Variants in CACNB2 observed in about 807,000 individuals in gnomAD.
CACNB2 encodes voltage-dependent L-type calcium channel subunit beta-2.
A neutral mutation model predicts 73.3 loss-of-function variants in CACNB2; 42 were observed. That is an observed-to-expected ratio of 0.57 (90% CI 0.45 to 0.74). The LOEUF (loss-of-function observed/expected upper bound fraction) is 0.74. CACNB2 is among the 30% of genes least tolerant of loss of function. The pLI is 0.00. For synonymous variants in CACNB2, 348 were observed against 310.3 expected (o/e 1.12, Z -1.28); for missense variants, 940 against 853.0 (o/e 1.10, Z -1.27).
chr10:18,267,342 G>A (rs924763885), intron 2 of CACNB2, among the ~76,000 whole-genome samples: 5 of 151,958 alleles, frequency 3.3e-5, no homozygotes, highest in African/African-American at 9.7e-5. Flanking sequence ...GTGGTGGCTC[G>A]CTCCTGTAAT....
At chr10:18,270,438 C>T (rs1356653578) in intron 2 of CACNB2, among the ~76,000 whole-genome samples, 2 of 152,156 alleles carry the variant, frequency 1.3e-5, no homozygotes, top group Non-Finnish European at 2.9e-5. Context: ...CCATTCTCCA[C>T]ATTGGAACTG....
At chr10:18,344,745 C>G (rs1171821226) in intron 2 of CACNB2, among the ~76,000 whole-genome samples, 1 of 152,046 alleles carries the variant, frequency 6.6e-6, no homozygotes, top group African/African-American at 2.4e-5. Flanking sequence ...CTGAACGACA[C>G]CAGCCTGGGC....
chr10:18,510,858 G>A (rs16917402), intron 6 of CACNB2, among the ~76,000 whole-genome samples: 5,887 of 152,242 alleles, frequency 0.039, 382 homozygotes, highest in African/African-American at 0.13. Context: ...CTTGATTTTG[G>A]TTAACATGTA....
At chr10:18,350,277 A>G (rs1239535223) in intron 2 of CACNB2, among the ~76,000 whole-genome samples, 2 of 152,056 alleles carry the variant, frequency 1.3e-5, no homozygotes, top group African/African-American at 2.4e-5. Flanking sequence ...TAAAAATAAT[A>G]ATAATAATTC....
chr10:18,328,473 ATAGT>A (rs1378155895), intron 2 of CACNB2, among the ~76,000 whole-genome samples: 2 of 152,182 alleles, frequency 1.3e-5, no homozygotes, highest in East Asian at 3.9e-4. Flanking sequence ...CATTATATTC[ATAGT>A]TAGAATAATT....
At chr10:18,419,797 G>A (rs370004324) in intron 3 of CACNB2, among the ~76,000 whole-genome samples, 1 of 152,176 alleles carries the variant, frequency 6.6e-6, no homozygotes. Context: ...GGTTATTAAG[G>A]TTAAGAATAG....
intron 2 of CACNB2, among the ~76,000 whole-genome samples, chr10:18,264,046 T>A (rs2037676704): frequency 6.6e-6 from 1 of 152,236 alleles, no homozygotes; most frequent in South Asian, 2.1e-4. Flanking sequence ...GAATAAATAC[T>A]CTTAAATTTA....
At chr10:18,193,243 T>C (rs2034482648) in intron 2 of CACNB2, among the ~76,000 whole-genome samples, 1 of 145,352 alleles carries the variant, frequency 6.9e-6, no homozygotes, top group African/African-American at 2.6e-5. Flanking sequence ...AATAATCCTG[T>C]GTGTAACTTT....
intron 2 of CACNB2, among the ~76,000 whole-genome samples, chr10:18,284,789 A>G (rs1428148743): frequency 1.3e-5 from 2 of 151,690 alleles, no homozygotes; most frequent in Non-Finnish European, 2.9e-5. Context: ...AGAAATGTGA[A>G]GGGTATAAAA....
intron 3 of CACNB2, among the ~76,000 whole-genome samples, chr10:18,474,773 T>C (rs530045103): frequency 2.6e-5 from 4 of 151,872 alleles, no homozygotes; most frequent in Middle Eastern, 3.4e-3. Context: ...TGGGTTGTTT[T>C]CCCCCCCAAC....
At chr10:18,195,598 C>T (rs1050783976) in intron 2 of CACNB2, among the ~76,000 whole-genome samples, 3 of 152,194 alleles carry the variant, frequency 2.0e-5, no homozygotes, top group Non-Finnish European at 4.4e-5. Context: ...CAGAGAGATG[C>T]GCAGCAATGC....
chr10:18,540,257 T>C lies in CACNB2; in HGVS notation c.*533T>C, dbSNP rs921288314. The stretch of plus-strand genomic sequence containing the variant: ...TCATAAAGTTAGAATCTATTTTCTA[T>C]GTACTAGTACTGTGTACTGTATAGA... On this transcript the variant is annotated 3_prime_UTR_variant, in exon 14 of 14. Coordinates refer to ENST00000324631, the MANE Select transcript of CACNB2 (RefSeq NM_201596.3). The C allele has an allele frequency of 5.7e-6, 1 of 173,970 alleles. No homozygotes were observed. The highest frequency in any genetic ancestry group is 2.4e-5 in the African/African-American group (1 of 41,636). The allele number at this position is 173,970 out of a possible 1,614,324, so 10.8% of individuals were successfully genotyped here. A position where few individuals can be genotyped will look rare whatever the true frequency, so the allele number is the denominator to read the frequency against.
At chr10:18,171,253 T>C (rs2033205973) in intron 2 of CACNB2, among the ~76,000 whole-genome samples, 1 of 152,178 alleles carries the variant, frequency 6.6e-6, no homozygotes, top group Non-Finnish European at 1.5e-5. Flanking sequence ...GTAGGGTTAT[T>C]CTTTGGAAAG....
intron 13 of CACNB2, among the ~76,000 whole-genome samples, chr10:18,539,006 T>A (rs771401571): frequency 3.9e-5 from 6 of 151,926 alleles, no homozygotes; most frequent in Non-Finnish European, 8.8e-5. Context: ...AGGAAAAAGT[T>A]ACCATGGGCA....
intron 2 of CACNB2, among the ~76,000 whole-genome samples, chr10:18,227,001 C>T: frequency 6.6e-6 from 1 of 152,256 alleles, no homozygotes; most frequent in East Asian, 1.9e-4. Context: ...TTAAATGAGA[C>T]TATTTCTTCA....
intron 2 of CACNB2, among the ~76,000 whole-genome samples, chr10:18,230,268 A>T (rs1044804007): frequency 4.6e-5 from 7 of 152,228 alleles, no homozygotes; most frequent in Non-Finnish European, 7.3e-5. Context: ...AACAGCATAC[A>T]TTTCTGCAGC....
At chr10:18,266,184 C>G (rs997720013) in intron 2 of CACNB2, among the ~76,000 whole-genome samples, 13 of 152,114 alleles carry the variant, frequency 8.5e-5, no homozygotes, top group African/African-American at 3.1e-4. Flanking sequence ...TTAAAGCAGT[C>G]ACTAGGGATA....
intron 2 of CACNB2, among the ~76,000 whole-genome samples, chr10:18,266,204 A>C (rs2037791011): frequency 6.6e-6 from 1 of 152,188 alleles, no homozygotes; most frequent in Non-Finnish European, 1.5e-5. Flanking sequence ...AGGCAAAGGA[A>C]GTGATGATGT....
chr10:18,391,029 A>C (rs774869511), intron 2 of CACNB2, among the ~76,000 whole-genome samples: 1 of 152,244 alleles, frequency 6.6e-6, no homozygotes, highest in African/African-American at 2.4e-5. Flanking sequence ...TCATATTTTC[A>C]AAATATAAAG....
Sources: gnomAD v4.1 joint callset for allele counts (sites outside exome capture counted in the v4.1 genomes callset) on GRCh38, gnomAD v4.1.1 for gene constraint, MANE v1.5 for transcripts, NCBI Gene and HGNC (gene_info 2026-07-23, HGNC 2026-07-21) for gene names.